Variants in GOLGA7 observed in about 807,000 individuals in gnomAD.
GOLGA7 encodes the protein golgin subfamily A member 7.
A neutral mutation model predicts 21.1 loss-of-function variants in GOLGA7; 10 were observed. The ratio of observed to expected loss-of-function variants is 0.47; its 90% CI spans 0.29 to 0.80. The LOEUF is 0.80. Among genes scored for constraint, GOLGA7 ranks in the 30% least tolerant of loss-of-function variants. The pLI is 0.08. For synonymous variants in GOLGA7, 64 were observed against 62.6 expected (o/e 1.02, Z -0.10); for missense variants, 114 against 166.8 (o/e 0.68, Z 1.74).
At chr8:41,509,345 C>T (rs911027616) in intron 4 of GOLGA7, among the ~76,000 whole-genome samples, 5 of 152,178 alleles carry the variant, frequency 3.3e-5, no homozygotes, top group African/African-American at 1.2e-4. Flanking sequence ...GTCAAGGCAG[C>T]GTGGCTCCAT....
chr8:41,502,943 G>T (rs1464870410), intron 2 of GOLGA7, among the ~76,000 whole-genome samples: 2 of 152,082 alleles, frequency 1.3e-5, no homozygotes, highest in African/African-American at 4.8e-5. Flanking sequence ...GGGTGAGAAT[G>T]GCGCTTTGTC....
At chr8:41,492,709 T>C (rs1796164726) in intron 1 of GOLGA7, among the ~76,000 whole-genome samples, 2 of 152,234 alleles carry the variant, frequency 1.3e-5, no homozygotes, top group Admixed American at 6.5e-5. Context: ...AATCAAATGT[T>C]TTATTTTTAA....
intron 1 of GOLGA7, among the ~76,000 whole-genome samples, chr8:41,491,772 CAA>C (rs1458898183): frequency 6.6e-6 from 1 of 151,958 alleles, no homozygotes; most frequent in Admixed American, 6.6e-5. Context: ...TACATTCAAC[CAA>C]AGATTCTTTT....
Position 41,490,661 on chromosome 8 carries a change from C to A in GOLGA7, c.-194C>A, listed in dbSNP as rs1270303362. On this transcript the variant is annotated 5_prime_UTR_variant, in exon 1 of 5. Transcript: ENST00000357743. ...GAACCGGGTTGTGGGGGGCGCGGGG[C>A]CTGGGCCAGGCGGCAGCTAAGGCCC... is the stretch of plus-strand genomic sequence containing the variant. 3 of 544,716 alleles carry A rather than the reference C, an allele frequency of 5.5e-6. No homozygotes were observed. Among genetic ancestry groups the A allele is most frequent in the Non-Finnish European group, 9.7e-6 (3 of 308,420 alleles). 33.7% of individuals were successfully genotyped at this position (544,716 alleles called of 1,614,324 possible). A position where few individuals can be genotyped will look rare whatever the true frequency, so the allele number is the denominator to read the frequency against.
At chr8:41,491,814 T>G (rs4736989) in intron 1 of GOLGA7, among the ~76,000 whole-genome samples, 27,375 of 152,166 alleles carry the variant, frequency 0.18, 2,990 homozygotes, top group Middle Eastern at 0.3. Flanking sequence ...TAGATTGTGT[T>G]TCCCGTTCAG....
At chr8:41,501,882 A>C (rs1806158587) in intron 2 of GOLGA7, among the ~76,000 whole-genome samples, 1 of 152,254 alleles carries the variant, frequency 6.6e-6, no homozygotes, top group South Asian at 2.1e-4. Context: ...ATGGTCCTAA[A>C]TACCAGAAAT....
Position 41,493,066 on chromosome 8 carries a change from A to G in GOLGA7, c.111+2101A>G, listed in dbSNP as rs187912237. Among the ~76,000 whole-genome samples the G allele has an allele frequency of 2.1e-4, 32 of 152,326 alleles. 1 individual carries two copies. The East Asian group carries it at 5.4e-3, about 26-fold the overall frequency. On this transcript the variant is annotated intron_variant, in intron 1 of 4. Transcript: ENST00000357743. ...AACTGCTTGTGGTACTGAGTACTAT[A>G]TGGAATGTTACATGGCACTCTTCAA...
intron 2 of GOLGA7, among the ~76,000 whole-genome samples, chr8:41,498,235 T>C (rs1013955807): frequency 1.1e-4 from 17 of 152,376 alleles, no homozygotes; most frequent in Admixed American, 6.5e-4. Flanking sequence ...TCCTGGGTTA[T>C]GCCCTTATTC....
chr8:41,496,764 T>TTTATA (rs1806023785), intron 1 of GOLGA7, among the ~76,000 whole-genome samples: 2 of 151,568 alleles, frequency 1.3e-5, no homozygotes, highest in Non-Finnish European at 2.9e-5. Flanking sequence ...CCCACTAGGC[T>TTTATA]TTATATTTGC....
intron 1 of GOLGA7, among the ~76,000 whole-genome samples, chr8:41,495,157 T>A (rs1173847114): frequency 7.6e-6 from 1 of 131,936 alleles, no homozygotes; most frequent in Non-Finnish European, 1.6e-5. Flanking sequence ...GAGCCAAGAT[T>A]GCGCCACTGC....
chr8:41,492,917 G>T (rs1204550062), intron 1 of GOLGA7, among the ~76,000 whole-genome samples: 1 of 152,192 alleles, frequency 6.6e-6, no homozygotes, highest in African/African-American at 2.4e-5. Context: ...GTGTGGCAGA[G>T]CCTTTATTTT....
Position 41,507,086 on chromosome 8 carries a change from G to A in GOLGA7, c.394G>A (p.Gly132Ser), listed in dbSNP as rs1806303830. The change falls in exon 4 of 5, where the codon GGC becomes AGC. Residue 132 changes from glycine to serine, a missense_variant. Physicochemically the swap from Gly to Ser is moderately conservative, Grantham distance 56. Coordinates refer to ENST00000357743, the MANE Select transcript of GOLGA7 (RefSeq NM_001002296.2). Reference protein sequence around the residue: ...VIEITIYEDRGMSSGR With the variant: ...VIEITIYEDRSMSSGR ...TGAAATTACCATTTATGAAGACAGA[G>A]GCATGAGCAGTGGAAGATAAACCGA... The A allele has an allele frequency of 1.5e-6, 2 of 1,349,488 alleles. No homozygotes were observed. The highest frequency in any genetic ancestry group is 1.2e-5 in the South Asian group (1 of 85,790). 83.6% of individuals were successfully genotyped at this position (1,349,488 alleles called of 1,614,324 possible). A position where few individuals can be genotyped will look rare whatever the true frequency, so the allele number is the denominator to read the frequency against.
chr8:41,505,667 T>C (rs1479338121), intron 2 of GOLGA7: 1 of 359,820 alleles, frequency 2.8e-6, no homozygotes, highest in African/African-American at 2.1e-5. Context: ...CATCGTGCCA[T>C]TGTATGCTTT....
chr8:41,510,218 T>A lies in GOLGA7; in HGVS notation c.*650T>A, dbSNP rs1413849876. 2 of 152,656 alleles carry A rather than the reference T, an allele frequency of 1.3e-5. No individual in the cohort carries two copies. Among genetic ancestry groups the A allele is most frequent in the East Asian group, 3.8e-4 (2 of 5,202 alleles). The allele number at this position is 152,656 out of a possible 1,614,324, so 9.5% of individuals were successfully genotyped here. ...CAATTATGCCTAATTAAAGCAGTATTTAATGCAATTTCCAGTTATTTCTTT... is the reference window on the plus strand; with the variant it reads ...CAATTATGCCTAATTAAAGCAGTATATAATGCAATTTCCAGTTATTTCTTT... On this transcript the variant is annotated 3_prime_UTR_variant, in exon 5 of 5. Coordinates refer to ENST00000357743, the MANE Select transcript of GOLGA7 (RefSeq NM_001002296.2).
At chr8:41,500,215 A>G (rs150484278) in intron 2 of GOLGA7, among the ~76,000 whole-genome samples, 366 of 152,362 alleles carry the variant, frequency 2.4e-3, no homozygotes, top group African/African-American at 8.6e-3. Flanking sequence ...ATTACACATT[A>G]TGATAAGTGC....
At chr8:41,493,108 C>T (rs1805925210) in intron 1 of GOLGA7, among the ~76,000 whole-genome samples, 1 of 152,146 alleles carries the variant, frequency 6.6e-6, no homozygotes, top group African/African-American at 2.4e-5. Flanking sequence ...CTTTGAATTT[C>T]TTTTTTCTTT....
intron 4 of GOLGA7, among the ~76,000 whole-genome samples, chr8:41,508,135 T>C (rs189112096): frequency 1.4e-3 from 210 of 152,334 alleles, no homozygotes; most frequent in African/African-American, 4.9e-3. Flanking sequence ...CCAAGTCTGA[T>C]TGATCATAAA....
intron 2 of GOLGA7, among the ~76,000 whole-genome samples, chr8:41,503,239 G>A (rs1224393913): frequency 3.4e-5 from 5 of 148,522 alleles, no homozygotes; most frequent in African/African-American, 5.0e-5. Context: ...CATGTCCTTC[G>A]CCCACTTTTT....
At position 41,504,554 on chromosome 8, in the gene GOLGA7, A is replaced by T. The variant is rs1345764475; in HGVS notation, c.265-1357A>T. Among the ~76,000 whole-genome samples the T allele has an allele frequency of 2.0e-5, 3 of 152,210 alleles. No individual in the cohort carries two copies. The East Asian group carries it at 5.8e-4, about 29-fold the overall frequency. On this transcript the variant is annotated intron_variant, in intron 2 of 4. Coordinates refer to ENST00000357743, the MANE Select transcript of GOLGA7 (RefSeq NM_001002296.2). ...TTTGAATGCTGAAAATAGGAGAATG[A>T]TACATGCATTGCTTCAGGTAATTAG...
Sources: gnomAD v4.1 joint callset for allele counts (sites outside exome capture counted in the v4.1 genomes callset) on GRCh38, gnomAD v4.1.1 for gene constraint, MANE v1.5 for transcripts, NCBI Gene and HGNC (gene_info 2026-07-23, HGNC 2026-07-21) for gene names.